Variants in PPIL4 observed in about 807,000 individuals in gnomAD.
The protein encoded by PPIL4 is peptidylprolyl isomerase like 4, also known as peptidyl-prolyl cis-trans isomerase-like 4.
A neutral mutation model predicts 69.1 loss-of-function variants in PPIL4; 50 were observed. The ratio of observed to expected loss-of-function variants is 0.72; its 90% CI spans 0.58 to 0.92. The LOEUF (loss-of-function observed/expected upper bound fraction) is 0.92. Among genes scored for constraint, PPIL4 ranks in the 40% least tolerant of loss-of-function variants. The pLI, the probability that PPIL4 is intolerant of heterozygous loss-of-function variation, is 0.00. For synonymous variants in PPIL4, 193 were observed against 191.6 expected (o/e 1.01, Z -0.06); for missense variants, 480 against 587.9 (o/e 0.82, Z 1.90).
intron 11 of PPIL4, among the ~76,000 whole-genome samples, chr6:149,513,157 G>A (rs12661446): frequency 5.4e-5 from 8 of 148,108 alleles, no homozygotes; most frequent in African/African-American, 9.8e-5. Context: ...AAGCCAAGGC[G>A]GGCGACTCAC....
At chr6:149,526,046 C>T (rs1777101073) in intron 8 of PPIL4, among the ~76,000 whole-genome samples, 1 of 152,042 alleles carries the variant, frequency 6.6e-6, no homozygotes, top group Non-Finnish European at 1.5e-5. Context: ...TTGCAGTGAG[C>T]CGAGATCACA....
At chr6:149,545,808 A>C in intron 1 of PPIL4, 128 bp downstream of exon 1, 3 of 819,544 alleles carry the variant, frequency 3.7e-6, no homozygotes, top group Non-Finnish European at 5.9e-6. Context: ...AAAATAGCCC[A>C]GTCGCGGGCA....
At position 149,505,693 on chromosome 6, in the gene PPIL4, T is replaced by C; in HGVS notation, c.1239A>G (p.Arg413=). 6.2e-7 allele frequency: 1 copy of C among 1,612,558 alleles called. No individual in the cohort carries two copies. ...CTTCATAGTGACCAAACCCCATTTC[T>C]CTATAGATATCCTGTCAAAGGAAGG... ...PIKNTNQDIY[R]EMGFGHYEEE... is the part of the protein sequence containing the mutation. Residue 413 remains arginine, a synonymous_variant, in exon 13 of 13, where the codon AGA becomes AGG. Transcript: ENST00000253329.
At chr6:149,530,025 G>T (rs1199330918) in intron 7 of PPIL4, among the ~76,000 whole-genome samples, 3 of 152,086 alleles carry the variant, frequency 2.0e-5, no homozygotes, top group Non-Finnish European at 4.4e-5. Context: ...GAGCCCAGGG[G>T]ATTTTTTAGA....
chr6:149,525,217 A>C lies in PPIL4; in HGVS notation c.804-8T>G, dbSNP rs758421760. ...TCTCGGATAACTTCACAACTGAAAG[A>C]AAGTATTTAAAAGTGACTTAAAAAA... On this transcript the variant is annotated splice_polypyrimidine_tract_variant and splice_region_variant and intron_variant, in intron 8 of 12. Coordinates refer to ENST00000253329, the MANE Select transcript of PPIL4 (RefSeq NM_139126.4). 3 of 1,445,148 alleles carry C rather than the reference A, an allele frequency of 2.1e-6. No individual in the cohort carries two copies. Among genetic ancestry groups the C allele is most frequent in the East Asian group, 4.6e-5 (2 of 43,470 alleles). The allele number at this position is 1,445,148 out of a possible 1,614,324, so 89.5% of individuals were successfully genotyped here.
At chr6:149,543,618 AT>A (rs2115042207) in intron 1 of PPIL4, among the ~76,000 whole-genome samples, 1 of 151,248 alleles carries the variant, frequency 6.6e-6, no homozygotes, top group South Asian at 2.1e-4. Context: ...TTCCTTTAGT[AT>A]TTTTCCCTTT....
Position 149,541,439 on chromosome 6 carries a change from A to G in PPIL4, c.139-8T>C, listed in dbSNP as rs1583213653. ...TTGTATGATAAAATCCCTCTGTAAT[A>G]TGTAGGATTCTTTGTTAATTCACAG... On this transcript the variant is annotated splice_polypyrimidine_tract_variant and splice_region_variant and intron_variant, in intron 2 of 12. Transcript: ENST00000253329. 1.3e-6 allele frequency: 2 copies of G among 1,579,744 alleles called. No individual in the cohort carries two copies. Among genetic ancestry groups the G allele is most frequent in the Non-Finnish European group, 1.7e-6 (2 of 1,153,522 alleles).
At chr6:149,535,563 C>G (rs1460594730) in intron 5 of PPIL4, 33 bp downstream of exon 5, 1 of 1,574,742 alleles carries the variant, frequency 6.4e-7, no homozygotes, top group African/African-American at 1.3e-5. Flanking sequence ...TTAAAACATT[C>G]TAGTACATTC....
intron 1 of PPIL4, among the ~76,000 whole-genome samples, chr6:149,542,608 G>A (rs9766288): frequency 0.034 from 5,168 of 152,194 alleles, 132 homozygotes; most frequent in Non-Finnish European, 0.053. Context: ...TTACATACTG[G>A]GCATATCTAA....
intron 6 of PPIL4, among the ~76,000 whole-genome samples, chr6:149,533,910 A>T (rs1050243376): frequency 6.6e-6 from 1 of 152,194 alleles, no homozygotes; most frequent in African/African-American, 2.4e-5. Context: ...TAATCCCAGC[A>T]CTTTGGGAGA....
intron 10 of PPIL4, among the ~76,000 whole-genome samples, chr6:149,518,843 T>C (rs1776985386): frequency 6.6e-6 from 1 of 152,078 alleles, no homozygotes; most frequent in Non-Finnish European, 1.5e-5. Flanking sequence ...CAATTCATTA[T>C]CTTTATTTAC....
intron 12 of PPIL4, among the ~76,000 whole-genome samples, chr6:149,506,826 G>A (rs1322974920): frequency 6.6e-6 from 1 of 152,106 alleles, no homozygotes; most frequent in Non-Finnish European, 1.5e-5. Context: ...AAACTCCTGG[G>A]TTCAAGTGAT....
At chr6:149,507,380 C>T (rs773628926) in intron 12 of PPIL4, among the ~76,000 whole-genome samples, 1 of 152,076 alleles carries the variant, frequency 6.6e-6, no homozygotes, top group Non-Finnish European at 1.5e-5. Context: ...ATAAGAGTCC[C>T]TGAGGTAGAA....
chr6:149,510,856 TAAAA>T (rs879359374), intron 12 of PPIL4, among the ~76,000 whole-genome samples: 5 of 147,070 alleles, frequency 3.4e-5, no homozygotes, highest in African/African-American at 1.2e-4. Context: ...CTTTAACAGT[TAAAA>T]AAAAAAAGTA....
At chr6:149,544,173 T>C (rs1190107283) in intron 1 of PPIL4, among the ~76,000 whole-genome samples, 1 of 152,164 alleles carries the variant, frequency 6.6e-6, no homozygotes, top group Non-Finnish European at 1.5e-5. Context: ...GGTGCTACTC[T>C]ACATGGGCAG....
At chr6:149,534,811 A>C (rs1279971707) in intron 5 of PPIL4, 37 bp from the exon 6 acceptor site, 18 of 1,185,888 alleles carry the variant, frequency 1.5e-5, no homozygotes, top group Non-Finnish European at 2.1e-5. Flanking sequence ...TTATACATTG[A>C]AGTTATTTCA....
chr6:149,545,982 A>C lies in PPIL4; in HGVS notation c.24T>G (p.Thr8=). ...ACAAGTCGATGACGACGTCGCCTAA[A>C]GTGGTCTCCAGTAGAACCGCCATGG... is the stretch of plus-strand genomic sequence containing the variant. The part of the protein sequence containing the change: MAVLLET[T]LGDVVIDLYT... The change falls in exon 1 of 13, where the codon ACT becomes ACG. Residue 8 remains threonine (T), a synonymous_variant. Transcript: ENST00000253329. 6.3e-7 allele frequency: 1 copy of C among 1,585,930 alleles called. No homozygotes were observed.
At chr6:149,523,320 C>G (rs1777059673) in intron 9 of PPIL4, among the ~76,000 whole-genome samples, 1 of 151,922 alleles carries the variant, frequency 6.6e-6, no homozygotes, top group Admixed American at 6.6e-5. Context: ...AGGAAATCCA[C>G]AGAGAAGATA....
At chr6:149,522,330 T>C (rs1435154274) in intron 9 of PPIL4, among the ~76,000 whole-genome samples, 1 of 152,142 alleles carries the variant, frequency 6.6e-6, no homozygotes, top group Admixed American at 6.5e-5. Context: ...CAAAAATAAA[T>C]ATTCAAAAGT....
Sources: allele counts gnomAD v4.1 joint callset (sites outside exome capture counted in the v4.1 genomes callset), GRCh38; gene constraint gnomAD v4.1.1; transcripts MANE v1.5; gene names NCBI Gene and HGNC (gene_info 2026-07-23, HGNC 2026-07-21).